Variants in CFAP97D2 observed in about 807,000 individuals in gnomAD.
CFAP97D2 encodes the protein uncharacterized protein CFAP97D2.
rs146788153 is a variant in CFAP97D2 at position 114,220,427 on chromosome 13, T to C, written c.481-2071T>C. On this transcript the variant is annotated intron_variant, in intron 4 of 4. Transcript: ENST00000646158. ...ACTGCTAGTCTCCTGGATATCTCAA[T>C]CTGGTTTAAATATTAACTCGCAAAA... is the stretch of plus-strand genomic sequence containing the variant. Among the ~76,000 whole-genome samples, 6 of 152,310 alleles carry C rather than the reference T, an allele frequency of 3.9e-5. No homozygotes were observed. The East Asian group carries it at 1.2e-3, about 29-fold the overall frequency.
intron 1 of CFAP97D2, among the ~76,000 whole-genome samples, chr13:114,180,776 G>A (rs909082483): frequency 6.6e-6 from 1 of 152,202 alleles, no homozygotes; most frequent in Non-Finnish European, 1.5e-5. Flanking sequence ...AACCCCATGG[G>A]TGTTTTCTTG....
chr13:114,184,108 TC>T (rs1278099527), intron 1 of CFAP97D2, among the ~76,000 whole-genome samples: 1 of 152,108 alleles, frequency 6.6e-6, no homozygotes, highest in Non-Finnish European at 1.5e-5. Flanking sequence ...CCATGATCAC[TC>T]CACTGCATTC....
intron 3 of CFAP97D2, among the ~76,000 whole-genome samples, chr13:114,204,880 A>G (rs187547572): frequency 2.6e-5 from 4 of 152,348 alleles, no homozygotes. Flanking sequence ...CTATCAAGAA[A>G]GTAAAAAAAA....
intron 2 of CFAP97D2, among the ~76,000 whole-genome samples, chr13:114,198,439 T>C (rs944212704): frequency 6.6e-6 from 1 of 152,262 alleles, no homozygotes; most frequent in African/African-American, 2.4e-5. Flanking sequence ...AAATATTCTC[T>C]TCTTATAACT....
At chr13:114,182,799 G>T (rs2080841400) in intron 1 of CFAP97D2, among the ~76,000 whole-genome samples, 1 of 152,318 alleles carries the variant, frequency 6.6e-6, no homozygotes, top group East Asian at 1.9e-4. Flanking sequence ...GGTCAAAGTG[G>T]CTGGGGCAAA....
chr13:114,189,508 A>G lies in CFAP97D2; in HGVS notation c.91-6888A>G, dbSNP rs2080862018. Among the ~76,000 whole-genome samples the G allele has an allele frequency of 6.6e-6, 1 of 152,218 alleles. No homozygotes were observed. The highest frequency in any genetic ancestry group is 1.5e-5 in the Non-Finnish European group (1 of 68,032). ...GTGAAGCAGCACTACCTTATAACCA[A>G]AACCAAAGACATTACAAGAAAACAG... On this transcript the variant is annotated intron_variant, in intron 1 of 4. Transcript: ENST00000646158. The surrounding 1 kb of genome is among the most constrained non-coding windows in gnomAD (Gnocchi z 4.5).
intron 4 of CFAP97D2, among the ~76,000 whole-genome samples, chr13:114,216,406 C>T (rs1000116536): frequency 6.6e-6 from 1 of 152,210 alleles, no homozygotes; most frequent in South Asian, 2.1e-4. Context: ...TTGTCATCTA[C>T]GTTAGGTATA....
chr13:114,196,295 C>T (rs2080886874), intron 1 of CFAP97D2, 101 bp from the exon 2 acceptor site: 2 of 398,266 alleles, frequency 5.0e-6, no homozygotes. Flanking sequence ...CGTGTGCTGA[C>T]ATGGAATCCC....
chr13:114,194,872 G>A (rs1001949555), intron 1 of CFAP97D2, among the ~76,000 whole-genome samples: 16 of 152,162 alleles, frequency 1.1e-4, no homozygotes, highest in Admixed American at 8.5e-4. Context: ...ATCTTTATCT[G>A]GAGCTTGAAG....
rs1313180747 is a variant in CFAP97D2 at position 114,200,317 on chromosome 13, G to A, written c.172-8G>A. On this transcript the variant is annotated splice_polypyrimidine_tract_variant and splice_region_variant and intron_variant, in intron 2 of 4. Transcript: ENST00000646158. ...CGGCGCTCCTCCAGCCTCCTTCTCT[G>A]TCCCCAGCTGGAGGAGGAACGGCTC... The A allele has an allele frequency of 1.8e-5, 7 of 398,538 alleles. No homozygotes were observed. In the Admixed American group the frequency reaches 1.8e-4, roughly 10 times the overall value. 24.7% of individuals were successfully genotyped at this position (398,538 alleles called of 1,614,324 possible).
intron 3 of CFAP97D2, among the ~76,000 whole-genome samples, chr13:114,202,463 A>G (rs2080922523): frequency 6.6e-6 from 1 of 152,228 alleles, no homozygotes; most frequent in African/African-American, 2.4e-5. Context: ...AAGAAGAAAC[A>G]TATATTCAAG....
chr13:114,196,825 C>A (rs945235815), intron 2 of CFAP97D2, among the ~76,000 whole-genome samples: 5 of 152,194 alleles, frequency 3.3e-5, no homozygotes, highest in Non-Finnish European at 7.3e-5. Flanking sequence ...TGGTTTTATA[C>A]ATTTTAGGGA....
chr13:114,217,860 T>C (rs1262937028), intron 4 of CFAP97D2, among the ~76,000 whole-genome samples: 6 of 152,226 alleles, frequency 3.9e-5, no homozygotes, highest in Non-Finnish European at 5.9e-5. Context: ...AAATTCGGTA[T>C]TGATAGGACG....
At chr13:114,216,289 A>T (rs564724371) in intron 4 of CFAP97D2, among the ~76,000 whole-genome samples, 1 of 151,752 alleles carries the variant, frequency 6.6e-6, no homozygotes, top group African/African-American at 2.4e-5. Flanking sequence ...TTTATTTTTT[A>T]CTTATTTATT....
At chr13:114,201,068 G>T (rs1161740826) in intron 3 of CFAP97D2, among the ~76,000 whole-genome samples, 2 of 152,090 alleles carry the variant, frequency 1.3e-5, no homozygotes, top group African/African-American at 4.8e-5. Flanking sequence ...GTGGAGTTCT[G>T]CCCTCTGTGA....
chr13:114,210,721 C>T (rs2080962944), intron 3 of CFAP97D2, among the ~76,000 whole-genome samples: 2 of 152,090 alleles, frequency 1.3e-5, no homozygotes, highest in Non-Finnish European at 2.9e-5. Context: ...CAGATGGTTC[C>T]ACCCAAATGT....
In CFAP97D2 at chr13:114,189,898, T is replaced by A. The variant is rs111678545; in HGVS notation, c.91-6498T>A. 6.6e-6 allele frequency among the ~76,000 whole-genome samples: 1 copy of A among 152,046 alleles called. No homozygotes were observed. The highest frequency in any genetic ancestry group is 2.4e-5 in the African/African-American group (1 of 41,390). On this transcript the variant is annotated intron_variant, in intron 1 of 4. Transcript: ENST00000646158. This position sits in a 1 kb window ranked among gnomAD's most constrained non-coding sequence, Gnocchi z 4.5. ...TGGCTCGCCCTGTAATCAGAACACT[T>A]TGGGTGGCTGAAGAGGGAGGATCAC...
Position 114,218,701 on chromosome 13 carries a change from A to G in CFAP97D2, c.481-3797A>G, listed in dbSNP as rs138543756. On this transcript the variant is annotated intron_variant, in intron 4 of 4. Transcript: ENST00000646158. ...GAGATATAGACCAATGGAACAGAAC[A>G]GAGCCCTCAGAAACAATAATACACA... 6.7e-3 allele frequency among the ~76,000 whole-genome samples: 1,024 copies of G among 152,344 alleles called. 3 individuals are homozygous for G. Among genetic ancestry groups the G allele is most frequent in the Non-Finnish European group, 7.7e-3 (525 of 68,030 alleles).
chr13:114,209,909 T>C (rs1470464573), intron 3 of CFAP97D2, among the ~76,000 whole-genome samples: 1 of 152,172 alleles, frequency 6.6e-6, no homozygotes, highest in Non-Finnish European at 1.5e-5. Context: ...TCAAATGAGG[T>C]CACCAGTGAC....
Sources: allele counts gnomAD v4.1 joint callset (sites outside exome capture counted in the v4.1 genomes callset), GRCh38; gene constraint gnomAD v4.1.1; non-coding constraint Gnocchi (gnomAD v3.1); transcripts MANE v1.5; gene names NCBI Gene and HGNC (gene_info 2026-07-23, HGNC 2026-07-21).